ARL15: variants seen among roughly 807,000 people sequenced by gnomAD.
ARL15 encodes ADP-ribosylation factor-like protein 15.
ARL15 carries 19 observed loss-of-function variants against 25.2 expected under a neutral mutation model. The ratio of observed to expected loss-of-function variants is 0.75; its 90% CI spans 0.53 to 1.10. The LOEUF is 1.10. ARL15 is among the 50% of genes least tolerant of loss of function. ARL15 has a pLI of 0.00. For synonymous variants in ARL15, 94 were observed against 86.8 expected (o/e 1.08, Z -0.46); for missense variants, 220 against 246.0 (o/e 0.89, Z 0.71).
At chr5:54,161,771 G>T (rs1754407388) in intron 2 of ARL15, among the ~76,000 whole-genome samples, 1 of 151,910 alleles carries the variant, frequency 6.6e-6, no homozygotes, top group African/African-American at 2.4e-5. Context: ...ATTTCCAATG[G>T]TTTTAAATTT....
intron 4 of ARL15, among the ~76,000 whole-genome samples, chr5:54,078,878 T>C (rs193023061): frequency 1.2e-4 from 18 of 152,268 alleles, no homozygotes; most frequent in Non-Finnish European, 1.3e-4. Context: ...CTATTATAAA[T>C]AACATGCTTG....
intron 4 of ARL15, among the ~76,000 whole-genome samples, chr5:54,066,140 A>G (rs1221139125): frequency 6.6e-6 from 1 of 152,152 alleles, no homozygotes; most frequent in East Asian, 1.9e-4. Flanking sequence ...CAAAGCTACT[A>G]GTGTCAGGGG....
intron 1 of ARL15, among the ~76,000 whole-genome samples, chr5:54,172,545 T>C (rs1218462038): frequency 2.0e-5 from 3 of 152,120 alleles, no homozygotes; most frequent in Non-Finnish European, 4.4e-5. Context: ...TGTGGTTATG[T>C]AAGAAAAATC....
intron 4 of ARL15, among the ~76,000 whole-genome samples, chr5:54,072,606 GA>G (rs758378391): frequency 2.6e-5 from 4 of 152,046 alleles, no homozygotes; most frequent in East Asian, 3.9e-4. Flanking sequence ...ATTCTCTAGG[GA>G]AAAAAATGCC....
intron 3 of ARL15, among the ~76,000 whole-genome samples, chr5:54,124,752 T>A (rs144402106): frequency 6.6e-6 from 1 of 152,212 alleles, no homozygotes; most frequent in Non-Finnish European, 1.5e-5. Flanking sequence ...GCATCATAGG[T>A]GCTCAATGAT....
At chr5:54,012,103 T>C (rs1443355828) in intron 4 of ARL15, among the ~76,000 whole-genome samples, 1 of 152,220 alleles carries the variant, frequency 6.6e-6, no homozygotes, top group African/African-American at 2.4e-5. Context: ...CATCACTTTG[T>C]ATAAAAATAA....
At chr5:53,982,326 A>T (rs780219239) in intron 4 of ARL15, among the ~76,000 whole-genome samples, 14 of 149,392 alleles carry the variant, frequency 9.4e-5, no homozygotes, top group Non-Finnish European at 1.9e-4. Flanking sequence ...CTAATGCTAC[A>T]CCTCCCCTAC....
chr5:54,060,786 T>C (rs1041969567), intron 4 of ARL15, among the ~76,000 whole-genome samples: 25 of 152,154 alleles, frequency 1.6e-4, no homozygotes, highest in African/African-American at 5.1e-4. Context: ...GCCCTAGAGA[T>C]TTGTGGAACT....
chr5:54,152,003 G>A (rs1198016186), intron 3 of ARL15, among the ~76,000 whole-genome samples: 2 of 152,074 alleles, frequency 1.3e-5, no homozygotes, highest in Non-Finnish European at 2.9e-5. Context: ...TCCTCACTAA[G>A]AATTCATCAC....
chr5:54,241,756 C>T (rs1756963833), intron 1 of ARL15, among the ~76,000 whole-genome samples: 1 of 152,130 alleles, frequency 6.6e-6, no homozygotes, highest in South Asian at 2.1e-4. Context: ...AAAACATGAG[C>T]ACATCTTGAA....
Position 54,238,073 on chromosome 5 carries a change from G to A in ARL15, c.49-66145C>T, listed in dbSNP as rs1004311799. ...AGGGAAGAGCATTCAAAGGATGAAG[G>A]AAAGCATCTGACCATTCTTTCCATA... On this transcript the variant is annotated intron_variant, in intron 1 of 4. Transcript: ENST00000504924. Among the ~76,000 whole-genome samples, 122 of 152,102 alleles carry A rather than the reference G, an allele frequency of 8.0e-4. 9 individuals carry two copies. The highest frequency in any genetic ancestry group is 1.3e-4 in the Admixed American group (2 of 15,272).
chr5:54,281,407 G>A (rs1398459529), intron 1 of ARL15, among the ~76,000 whole-genome samples: 3 of 152,166 alleles, frequency 2.0e-5, no homozygotes, highest in African/African-American at 2.4e-5. Context: ...GATTACAGGC[G>A]TGAGCCACCA....
At chr5:54,252,065 A>T (rs1757247317) in intron 1 of ARL15, among the ~76,000 whole-genome samples, 1 of 152,240 alleles carries the variant, frequency 6.6e-6, no homozygotes. Context: ...ATGATATTCC[A>T]TGCTATCAGC....
Position 53,970,191 on chromosome 5 carries a change from C to A in ARL15, c.463-83478G>T, listed in dbSNP as rs557446296. Among the ~76,000 whole-genome samples the A allele has an allele frequency of 8.6e-5, 13 of 152,038 alleles. No individual in the cohort carries two copies. The East Asian group carries it at 2.3e-3, about 27-fold the overall frequency. On this transcript the variant is annotated intron_variant, in intron 4 of 4. Coordinates refer to ENST00000504924, the MANE Select transcript of ARL15 (RefSeq NM_019087.3). ...TACTTGAAAAAAGATAAAAGATAGC[C>A]AATGAAAACAGAAAATAAAAACTAT...
intron 1 of ARL15, among the ~76,000 whole-genome samples, chr5:54,198,883 C>G (rs1227276805): frequency 6.6e-6 from 1 of 152,152 alleles, no homozygotes; most frequent in Non-Finnish European, 1.5e-5. Context: ...ATCACGCTAT[C>G]TGACTTCAAA....
intron 4 of ARL15, among the ~76,000 whole-genome samples, chr5:53,971,920 G>A (rs1747766135): frequency 6.6e-6 from 1 of 152,148 alleles, no homozygotes; most frequent in Admixed American, 6.5e-5. Context: ...CTAAAAGATG[G>A]ATTAGGAATC....
chr5:54,052,734 C>A (rs1750737254), intron 4 of ARL15, among the ~76,000 whole-genome samples: 1 of 151,898 alleles, frequency 6.6e-6, no homozygotes, highest in Non-Finnish European at 1.5e-5. Context: ...TATACATGGG[C>A]CAGCACACAC....
intron 4 of ARL15, among the ~76,000 whole-genome samples, chr5:53,889,973 C>A (rs1335934514): frequency 6.6e-6 from 1 of 151,946 alleles, no homozygotes; most frequent in Admixed American, 6.6e-5. Flanking sequence ...CCACCAGGCC[C>A]AGCTAATTTT....
chr5:54,254,372 C>T (rs936334081), intron 1 of ARL15, among the ~76,000 whole-genome samples: 3 of 152,064 alleles, frequency 2.0e-5, no homozygotes, highest in South Asian at 2.1e-4. Flanking sequence ...ATTAGCTATT[C>T]GAAGCTTATT....
Sources: allele counts gnomAD v4.1 joint callset (sites outside exome capture counted in the v4.1 genomes callset), GRCh38; gene constraint gnomAD v4.1.1; transcripts MANE v1.5; gene names NCBI Gene and HGNC (gene_info 2026-07-23, HGNC 2026-07-21).